HAUS6: variants seen among roughly 807,000 people sequenced by gnomAD.
HAUS6 encodes HAUS augmin like complex subunit 6, also known as HAUS augmin-like complex subunit 6.
A neutral mutation model predicts 106.8 loss-of-function variants in HAUS6; 80 were observed. The observed-to-expected ratio is 0.75, with a 90% CI of 0.63 to 0.90. The LOEUF is 0.90. HAUS6 is among the 40% of genes least tolerant of loss of function. HAUS6 has a pLI of 0.00. For missense variants in HAUS6, 1,155 were observed against 1,118.1 expected, an observed-to-expected ratio of 1.03 and a Z score of -0.47; for synonymous variants, 356 against 379.1, an observed-to-expected ratio of 0.94 and a Z score of 0.71.
At chr9:19,093,143 CAA>C in intron 4 of HAUS6, 26 bp downstream of exon 4, 2 of 1,409,846 alleles carry the variant, frequency 1.4e-6, no homozygotes, top group Non-Finnish European at 1.9e-6. Context: ...AGAATCAAAA[CAA>C]AAAATCTTTT....
intron 12 of HAUS6, among the ~76,000 whole-genome samples, chr9:19,068,877 GA>G (rs925093470): frequency 1.3e-5 from 2 of 148,994 alleles, no homozygotes; most frequent in Non-Finnish European, 3.0e-5. Context: ...GGATAATAGA[GA>G]AAAAAAAAGG....
intron 1 of HAUS6, among the ~76,000 whole-genome samples, chr9:19,099,153 TTTTG>T (rs1419003578): frequency 6.6e-6 from 1 of 150,558 alleles, no homozygotes; most frequent in African/African-American, 2.5e-5. Flanking sequence ...ATGGGGTTTT[TTTTG>T]TTTGTTTTTT....
intron 11 of HAUS6, among the ~76,000 whole-genome samples, chr9:19,074,502 G>T (rs1003231736): frequency 1.3e-5 from 2 of 152,016 alleles, no homozygotes; most frequent in African/African-American, 4.8e-5. Flanking sequence ...GAACTCCTGG[G>T]CTTAAGCAAT....
chr9:19,092,159 T>C (rs552180051), intron 4 of HAUS6, among the ~76,000 whole-genome samples: 1 of 151,980 alleles, frequency 6.6e-6, no homozygotes, highest in Admixed American at 6.6e-5. Flanking sequence ...ACAATAGTGA[T>C]AAAAGTATCA....
rs1276517261 is a variant in HAUS6, at chr9:19,056,176, T to G, written c.*167A>C. On this transcript the variant is annotated 3_prime_UTR_variant, in exon 17 of 17. Coordinates refer to ENST00000380502, the MANE Select transcript of HAUS6 (RefSeq NM_017645.5). ...CAAAGAGGAAAAAATCCAAACATAC[T>G]TTCCTTACCTAAAAATATTAAAGAA... 3 of 509,292 alleles carry G rather than the reference T, an allele frequency of 5.9e-6. No homozygotes were observed. In the Admixed American group the frequency reaches 1.0e-4, roughly 18 times the overall value. 31.5% of individuals were successfully genotyped at this position (509,292 alleles called of 1,614,324 possible). A position where few individuals can be genotyped will look rare whatever the true frequency, so the allele number is the denominator to read the frequency against.
chr9:19,063,972 T>TTTTA (rs1554688193), intron 12 of HAUS6, among the ~76,000 whole-genome samples: 4 of 148,120 alleles, frequency 2.7e-5, no homozygotes, highest in East Asian at 3.9e-4. Context: ...TTTATTTTAT[T>TTTTA]TTTTTTTTTT....
intron 2 of HAUS6, 63 bp downstream of exon 2, chr9:19,096,611 C>G (rs1817869143): frequency 1.0e-5 from 5 of 492,702 alleles, no homozygotes; most frequent in Non-Finnish European, 1.8e-5. Flanking sequence ...TGGCTTGTAT[C>G]AAAACGCTGT....
chr9:19,086,597 G>A, intron 7 of HAUS6, 137 bp downstream of exon 7: 1 of 486,600 alleles, frequency 2.1e-6, no homozygotes, highest in Non-Finnish European at 3.6e-6. Context: ...TCCAGCCTGG[G>A]CAACAGAGCG....
At chr9:19,097,833 T>C (rs1257133585) in intron 1 of HAUS6, among the ~76,000 whole-genome samples, 1 of 151,098 alleles carries the variant, frequency 6.6e-6, no homozygotes, top group African/African-American at 2.4e-5. Context: ...GTCACACAAC[T>C]ATAAGGAATC....
chr9:19,072,459 G>C (rs1836900494), intron 11 of HAUS6, among the ~76,000 whole-genome samples: 1 of 151,948 alleles, frequency 6.6e-6, no homozygotes, highest in East Asian at 1.9e-4. Context: ...GTTGCAGTGA[G>C]CTGAGATTGT....
At chr9:19,097,589 G>C (rs1817891238) in intron 1 of HAUS6, among the ~76,000 whole-genome samples, 1 of 152,104 alleles carries the variant, frequency 6.6e-6, no homozygotes. Flanking sequence ...TCATTAAAAA[G>C]TCAGGAAACA....
At chr9:19,074,386 C>T (rs751606011) in intron 11 of HAUS6, among the ~76,000 whole-genome samples, 1 of 152,102 alleles carries the variant, frequency 6.6e-6, no homozygotes, top group African/African-American at 2.4e-5. Context: ...ATTCTCCTGC[C>T]TCAGCCTCCT....
chr9:19,081,830 C>T (rs979894795), intron 8 of HAUS6, among the ~76,000 whole-genome samples: 5 of 151,558 alleles, frequency 3.3e-5, no homozygotes, highest in South Asian at 2.1e-4. Context: ...CTTTGGGGGC[C>T]GAGGCAAGAG....
chr9:19,063,817 G>T (rs752754236), intron 12 of HAUS6: 20 of 686,806 alleles, frequency 2.9e-5, no homozygotes, highest in South Asian at 2.5e-4. Flanking sequence ...CACATACTGA[G>T]TCAACAATAT....
intron 12 of HAUS6, among the ~76,000 whole-genome samples, chr9:19,069,352 T>C (rs1033425424): frequency 1.3e-5 from 2 of 152,196 alleles, no homozygotes; most frequent in South Asian, 4.1e-4. Context: ...TTGGATCTTT[T>C]CTGAAAATGT....
chr9:19,063,175 G>C lies in HAUS6; in HGVS notation c.1462C>G (p.Pro488Ala). The C allele has an allele frequency of 6.2e-7, 1 of 1,602,224 alleles. No individual in the cohort carries two copies. Among genetic ancestry groups the C allele is most frequent in the Non-Finnish European group, 8.5e-7 (1 of 1,171,526 alleles). Residue 488 changes from proline (P) to alanine (A), a missense_variant, in exon 14 of 17, where the codon CCC (proline) becomes GCC (alanine). Coordinates refer to ENST00000380502, the MANE Select transcript of HAUS6 (RefSeq NM_017645.5). ...GAAATTGCTTCATTTTTTTCTTTGGGAGTTCCCATCTTTGTGTCCTGAAGA... is the reference window on the plus strand; with the variant it reads ...GAAATTGCTTCATTTTTTTCTTTGGCAGTTCCCATCTTTGTGTCCTGAAGA... ...VLEKDTKMGT[P>A]KEKNEAISKK...
rs369306335 is a variant in HAUS6 at position 19,056,409 on chromosome 9, A to C, written c.2807-5T>G. ...TCTTATTCAAAATGTCTTCTTCTGC[A>C]AATTGATTTTAAAAAAGTATAAGCA... On this transcript the variant is annotated splice_region_variant and splice_polypyrimidine_tract_variant and intron_variant, in intron 16 of 16. Transcript: ENST00000380502. The C allele has an allele frequency of 2.4e-5, 36 of 1,516,244 alleles. No homozygotes were observed. In the African/African-American group the frequency reaches 4.3e-4, roughly 18 times the overall value. The allele number at this position is 1,516,244 out of a possible 1,614,324, so 93.9% of individuals were successfully genotyped here. A position where few individuals can be genotyped will look rare whatever the true frequency, so the allele number is the denominator to read the frequency against.
At chr9:19,092,356 G>C (rs1417893380) in intron 4 of HAUS6, among the ~76,000 whole-genome samples, 2 of 151,786 alleles carry the variant, frequency 1.3e-5, no homozygotes, top group South Asian at 4.2e-4. Context: ...TAACACTTTG[G>C]TGTAATCCTA....
rs780808256 is a variant in HAUS6 at position 19,080,621 on chromosome 9, T to G, written c.922A>C (p.Ile308Leu). ...TTCAAGACTTCATTTAATAACTGAA[T>G]AACTGTTAAGAGGTTCAGTTTTCCA... ...EAGKLNLLTV[I>L]QLLNEVLKVM... Residue 308 changes from isoleucine (I) to leucine (L), a missense_variant, in exon 9 of 17, where the codon ATT becomes CTT. By Grantham distance (5) the Ile-to-Leu change is conservative. This residue lies in a region of HAUS6 where 761 missense variants were observed against 690.0 expected (regional missense o/e 1.10). Coordinates refer to ENST00000380502, the MANE Select transcript of HAUS6 (RefSeq NM_017645.5). 6.2e-7 allele frequency: 1 copy of G among 1,603,968 alleles called. No individual in the cohort carries two copies. The highest frequency in any genetic ancestry group is 8.5e-7 in the Non-Finnish European group (1 of 1,170,998).
Sources: gnomAD v4.1 joint callset for allele counts (sites outside exome capture counted in the v4.1 genomes callset) on GRCh38, gnomAD v4.1.1 for gene constraint, gnomAD v4.1.1 regional missense constraint, MANE v1.5 for transcripts, NCBI Gene and HGNC (gene_info 2026-07-23, HGNC 2026-07-21) for gene names.